AGAP5: variants seen among roughly 807,000 people sequenced by gnomAD.
AGAP5 encodes the protein ArfGAP with GTPase domain, ankyrin repeat and PH domain 5.
Under a neutral mutation model 27.7 loss-of-function variants are expected in AGAP5, and 8 were observed. The observed-to-expected ratio is 0.29, with a 90% confidence interval of 0.17 to 0.52. The LOEUF (loss-of-function observed/expected upper bound fraction) is 0.52. AGAP5 is among the 20% of genes least tolerant of loss of function. The pLI, the probability that AGAP5 is intolerant of heterozygous loss-of-function variation, is 0.97. For missense variants in AGAP5, 285 were observed against 880.8 expected, an observed-to-expected ratio of 0.32 and a Z score of 8.56; for synonymous variants, 111 against 338.0, an observed-to-expected ratio of 0.33 and a Z score of 7.37.
intron 3 of AGAP5, among the ~76,000 whole-genome samples, chr10:73,692,389 A>G (rs2082127020): frequency 1.3e-5 from 2 of 152,128 alleles, no homozygotes; most frequent in South Asian, 2.1e-4. Flanking sequence ...TAACTGTTGC[A>G]TATATGAGCC....
In AGAP5 at chr10:73,675,186, A is replaced by G. The variant is rs766767967; in HGVS notation, c.1474T>C (p.Leu492=). ...YETQNPKWAS[L]NLGVLMCIEC... ...ATACACATGAGGACTCCCAAGTTCAAACTGGCCCACTTAGGATTCTGGGTC... is the reference window on the plus strand; with the variant it reads ...ATACACATGAGGACTCCCAAGTTCAGACTGGCCCACTTAGGATTCTGGGTC... The change falls in exon 8 of 8, where the codon TTG becomes CTG. Residue 492 remains leucine (L), a synonymous_variant. Coordinates refer to ENST00000374094, the MANE Select transcript of AGAP5 (RefSeq NM_001144000.4). 4 of 1,598,864 alleles carry G rather than the reference A, an allele frequency of 2.5e-6. No individual in the cohort carries two copies. In the South Asian group the frequency reaches 4.4e-5, roughly 18 times the overall value.
Position 73,698,002 on chromosome 10 carries a change from G to C in AGAP5, c.-247C>G, listed in dbSNP as rs893556093. The stretch of plus-strand genomic sequence containing the variant: ...GACTTGTCTGGGAGGGTGAAGACCA[G>C]CTGGCTTATTTAATAGGTTGTGAAC... On this transcript the variant is annotated 5_prime_UTR_variant, in exon 1 of 8. Coordinates refer to ENST00000374094, the MANE Select transcript of AGAP5 (RefSeq NM_001144000.4). The C allele has an allele frequency of 2.9e-5, 42 of 1,456,886 alleles. No homozygotes were observed. Among genetic ancestry groups the C allele is most frequent in the Non-Finnish European group, 3.8e-5 (42 of 1,109,392 alleles). The allele number at this position is 1,456,886 out of a possible 1,614,324, so 90.2% of individuals were successfully genotyped here.
At chr10:73,694,893 T>G in intron 2 of AGAP5, 89 bp from the exon 3 acceptor site, 1 of 1,594,430 alleles carries the variant, frequency 6.3e-7, no homozygotes, top group Non-Finnish European at 8.5e-7. Context: ...ATTTAGGCTA[T>G]TTCACTATCT....
At chr10:73,685,495 G>A (rs559336803) in intron 4 of AGAP5, among the ~76,000 whole-genome samples, 9 of 151,238 alleles carry the variant, frequency 6.0e-5, no homozygotes, top group African/African-American at 2.2e-4. Context: ...ATTGACTTGT[G>A]TATGTTAATC....
At chr10:73,690,472 G>C (rs532190142) in intron 4 of AGAP5, among the ~76,000 whole-genome samples, 1 of 151,980 alleles carries the variant, frequency 6.6e-6, no homozygotes, top group East Asian at 1.9e-4. Context: ...CAAACACTGC[G>C]GAAGGCCGCA....
chr10:73,694,064 C>G (rs1392151764), intron 3 of AGAP5, among the ~76,000 whole-genome samples: 2 of 152,166 alleles, frequency 1.3e-5, no homozygotes, highest in Non-Finnish European at 2.9e-5. Flanking sequence ...TTATAGAACC[C>G]TCACTTGTAT....
chr10:73,678,214 C>T (rs760924281), intron 6 of AGAP5, among the ~76,000 whole-genome samples: 5 of 152,230 alleles, frequency 3.3e-5, no homozygotes, highest in South Asian at 2.1e-4. Context: ...GGCAACGTAA[C>T]GAAACTGTGT....
intron 5 of AGAP5, chr10:73,681,944 A>C: frequency 1.2e-6 from 1 of 856,456 alleles, no homozygotes; most frequent in South Asian, 5.4e-5. Context: ...TTATGAGTGT[A>C]AACTTGCCAC....
intron 2 of AGAP5, 103 bp from the exon 3 acceptor site, chr10:73,694,907 C>G (rs1589478858): frequency 6.3e-7 from 1 of 1,588,006 alleles, no homozygotes; most frequent in Non-Finnish European, 8.5e-7. Flanking sequence ...ACTATCTCTA[C>G]TTTGATTCTT....
chr10:73,692,633 ATTTTTTTT>A (rs71021562), intron 3 of AGAP5, among the ~76,000 whole-genome samples: 12 of 77,020 alleles, frequency 1.6e-4, no homozygotes, highest in South Asian at 4.6e-4. Flanking sequence ...CCTATCTTAA[ATTTTTTTT>A]TTTTTTTTTT....
At chr10:73,690,458 G>A (rs1221283895) in intron 4 of AGAP5, among the ~76,000 whole-genome samples, 1 of 152,058 alleles carries the variant, frequency 6.6e-6, no homozygotes, top group Non-Finnish European at 1.5e-5. Flanking sequence ...AGTACCCAGG[G>A]ACACAAACAC....
At chr10:73,687,554 T>C (rs540903150) in intron 4 of AGAP5, among the ~76,000 whole-genome samples, 12 of 152,344 alleles carry the variant, frequency 7.9e-5, no homozygotes, top group African/African-American at 2.9e-4. Context: ...TGTTGTGAAG[T>C]AATGGGAAGT....
intron 4 of AGAP5, among the ~76,000 whole-genome samples, chr10:73,689,645 G>A (rs957722904): frequency 4.0e-5 from 6 of 150,598 alleles, no homozygotes; most frequent in African/African-American, 4.9e-5. Flanking sequence ...CTGCCGCCCC[G>A]TCCAGGATGT....
rs1446602837 is a variant in AGAP5 at position 73,697,932 on chromosome 10, T to C, written c.-177A>G. On this transcript the variant is annotated 5_prime_UTR_variant, in exon 1 of 8. Transcript: ENST00000374094. Reference sequence around the variant, plus strand: ...CCCTGGCCCCGGCCCCGGCCCCGGCTAGGGCTGCGGGTCAAGGCCCACACC... The same window carrying C: ...CCCTGGCCCCGGCCCCGGCCCCGGCCAGGGCTGCGGGTCAAGGCCCACACC... 98 of 1,525,138 alleles carry C rather than the reference T, an allele frequency of 6.4e-5. No homozygotes were observed. In the East Asian group the frequency reaches 2.4e-3, roughly 37 times the overall value. 94.5% of individuals were successfully genotyped at this position (1,525,138 alleles called of 1,614,324 possible). A position where few individuals can be genotyped will look rare whatever the true frequency, so the allele number is the denominator to read the frequency against.
chr10:73,675,485 G>T lies in AGAP5; in HGVS notation c.1175C>A (p.Pro392His), dbSNP rs1361167180. The change falls in exon 8 of 8, where the codon CCC (proline) becomes CAC (histidine). Residue 392 changes from proline to histidine, a missense_variant. By Grantham distance (77) the Pro-to-His change is moderately conservative (BLOSUM62 -2). Coordinates refer to ENST00000374094, the MANE Select transcript of AGAP5 (RefSeq NM_001144000.4). ...CTTTTTATTGGCATGAGGAGAGGGG[G>T]GCGGGTTGAGCTTGGGGCTGGTGGT... ...SSTTSPKLNPPPSPHANKKKH... is the reference protein window; with the variant it reads ...SSTTSPKLNPHPSPHANKKKH... 1 of 1,613,414 alleles carries T rather than the reference G, an allele frequency of 6.2e-7. No homozygotes were observed. Among genetic ancestry groups the T allele is most frequent in the Non-Finnish European group, 8.5e-7 (1 of 1,179,562 alleles).
At chr10:73,685,884 A>G (rs1011751293) in intron 4 of AGAP5, among the ~76,000 whole-genome samples, 1 of 152,164 alleles carries the variant, frequency 6.6e-6, no homozygotes. Context: ...TGGGAACTAC[A>G]AAACATTGCT....
chr10:73,689,717 G>GC (rs1565007722), intron 4 of AGAP5, among the ~76,000 whole-genome samples: 1 of 146,366 alleles, frequency 6.8e-6, no homozygotes, highest in African/African-American at 2.6e-5. Flanking sequence ...CCTGGCAACC[G>GC]CCCCGTCTGA....
chr10:73,691,654 G>A (rs1011536841), intron 4 of AGAP5, among the ~76,000 whole-genome samples: 41 of 152,036 alleles, frequency 2.7e-4, no homozygotes, highest in Non-Finnish European at 5.6e-4. Context: ...CACCACGCCC[G>A]GCTACTTTTG....
chr10:73,681,378 T>C lies in AGAP5; in HGVS notation c.498-1272A>G, dbSNP rs540444902. The C allele has an allele frequency of 6.5e-5, 64 of 985,432 alleles. No individual in the cohort carries two copies. In the African/African-American group the frequency reaches 9.9e-4, roughly 15 times the overall value. The allele number at this position is 985,432 out of a possible 1,614,324, so 61.0% of individuals were successfully genotyped here. On this transcript the variant is annotated intron_variant, in intron 5 of 7. Transcript: ENST00000374094. ...GGGAAAGTGGAGATGGGAAGATACA[T>C]GTATTTGCAGACTTGCATTTTGAAA...
Sources: allele counts gnomAD v4.1 joint callset (sites outside exome capture counted in the v4.1 genomes callset), GRCh38; gene constraint gnomAD v4.1.1; transcripts MANE v1.5; gene names NCBI Gene and HGNC (gene_info 2026-07-23, HGNC 2026-07-21).